ZNF282: variants seen among roughly 807,000 people sequenced by gnomAD.
The protein encoded by ZNF282 is zinc finger protein 282.
In ZNF282, 30 loss-of-function variants were observed where a neutral mutation model predicts 61.9. The observed-to-expected ratio is 0.48, with a 90% CI of 0.36 to 0.66. The LOEUF (loss-of-function observed/expected upper bound fraction) is 0.66. Among genes scored for constraint, ZNF282 ranks in the 30% least tolerant of loss-of-function variants. ZNF282 has a pLI of 0.00. For missense variants in ZNF282, 788 were observed against 941.4 expected (o/e 0.84, Z 2.13); for synonymous variants, 396 against 405.0 (o/e 0.98, Z 0.27).
Position 149,204,210 on chromosome 7 carries a change from G to A in ZNF282, c.586-2486G>A, listed in dbSNP as rs114055005. Among the ~76,000 whole-genome samples, 1,173 of 152,242 alleles carry A rather than the reference G, an allele frequency of 7.7e-3. 15 individuals carry two copies. The highest frequency in any genetic ancestry group is 0.027 in the African/African-American group (1,104 of 41,532). On this transcript the variant is annotated intron_variant, in intron 2 of 7. Coordinates refer to ENST00000610704, the MANE Select transcript of ZNF282 (RefSeq NM_003575.4). Reference sequence around the variant, plus strand: ...ATGGACGGGAGGCAACATAATTACGGGAACCAAGCAGGATAAAATTCTAGA... The same window carrying A: ...ATGGACGGGAGGCAACATAATTACGAGAACCAAGCAGGATAAAATTCTAGA...
intron 7 of ZNF282, among the ~76,000 whole-genome samples, chr7:149,218,530 T>C (rs983289228): frequency 6.6e-6 from 1 of 152,178 alleles, no homozygotes; most frequent in African/African-American, 2.4e-5. Context: ...AAGTAGCAGA[T>C]CAAGTAGGTG....
intron 2 of ZNF282, among the ~76,000 whole-genome samples, chr7:149,203,734 G>A (rs2129523169): frequency 6.6e-6 from 1 of 152,264 alleles, no homozygotes; most frequent in East Asian, 1.9e-4. Context: ...TCTTTTGAAG[G>A]AAGTGAAGTA....
At chr7:149,222,515 G>A (rs1796271930) in intron 7 of ZNF282, among the ~76,000 whole-genome samples, 3 of 152,204 alleles carry the variant, frequency 2.0e-5, no homozygotes, top group Non-Finnish European at 2.9e-5. Context: ...CAGTGTGTGT[G>A]CTGGCTCACA....
chr7:149,201,695 T>A (rs956912257), intron 2 of ZNF282, among the ~76,000 whole-genome samples: 1 of 152,034 alleles, frequency 6.6e-6, no homozygotes, highest in East Asian at 1.9e-4. Context: ...GAGGCTGCAG[T>A]GAGCTGAGAT....
Position 149,212,448 on chromosome 7 carries a change from A to C in ZNF282, c.1043A>C (p.Asp348Ala). 6.2e-7 allele frequency: 1 copy of C among 1,612,812 alleles called. No homozygotes were observed. Residue 348 changes from aspartate to alanine, a missense_variant, in exon 6 of 8, where the codon GAT (aspartate) becomes GCT (alanine). By Grantham distance (126) the Asp-to-Ala change is moderately radical (BLOSUM62 -2). Around this residue, in one of 3 missense-constraint regions of ZNF282, gnomAD observed 559 missense variants for 642.0 expected, o/e 0.87. Transcript: ENST00000610704. ...VWDQQDLADRDIPTDPNSESL... is the reference protein window; with the variant it reads ...VWDQQDLADRAIPTDPNSESL... ...GATCAGCAGGATTTGGCAGACAGAG[A>C]TATTCCCACGGATCCCAATTCAGGT... is the stretch of plus-strand genomic sequence containing the variant.
rs1442572081 is a variant in ZNF282 at position 149,214,502 on chromosome 7, G to A, written c.1180+688G>A. 2.0e-5 allele frequency among the ~76,000 whole-genome samples: 3 copies of A among 152,218 alleles called. No individual in the cohort carries two copies. In the East Asian group the frequency reaches 5.8e-4, roughly 29 times the overall value. ...AGATTGCTGAGCCAGTGTGCCCGAG[G>A]CAGTTGACAGCAGCAGGTGGCTCAC... is the stretch of plus-strand genomic sequence containing the variant. On this transcript the variant is annotated intron_variant, in intron 7 of 7. Coordinates refer to ENST00000610704, the MANE Select transcript of ZNF282 (RefSeq NM_003575.4).
chr7:149,224,678 G>T lies in ZNF282; in HGVS notation c.*31G>T. 6 of 1,467,122 alleles carry T rather than the reference G, an allele frequency of 4.1e-6. No homozygotes were observed. Among genetic ancestry groups the T allele is most frequent in the Non-Finnish European group, 5.4e-6 (6 of 1,113,392 alleles). 90.9% of individuals were successfully genotyped at this position (1,467,122 alleles called of 1,614,324 possible). Reference sequence around the variant, plus strand: ...GGCTGGGGGAGGGCAGGGCCGGACGGAGTGGATCGGGGGCGGCCTGAGCAC... The same window carrying T: ...GGCTGGGGGAGGGCAGGGCCGGACGTAGTGGATCGGGGGCGGCCTGAGCAC... On this transcript the variant is annotated 3_prime_UTR_variant, in exon 8 of 8. Coordinates refer to ENST00000610704, the MANE Select transcript of ZNF282 (RefSeq NM_003575.4).
In ZNF282 at chr7:149,198,313, C is replaced by T. The variant is rs1290748661; in HGVS notation, c.166-20C>T. On this transcript the variant is annotated intron_variant, in intron 1 of 7. Transcript: ENST00000610704. The surrounding 1 kb of genome is among the most constrained non-coding windows in gnomAD (Gnocchi z 4.3). ...CACAAGGTCTCATCCTGGGTTGTCG[C>T]TTTCTCCCTCTGCATACAGGCTCAA... 5 of 1,580,506 alleles carry T rather than the reference C, an allele frequency of 3.2e-6. No homozygotes were observed. The highest frequency in any genetic ancestry group is 4.3e-6 in the Non-Finnish European group (5 of 1,161,044).
intron 7 of ZNF282, among the ~76,000 whole-genome samples, chr7:149,219,390 C>T (rs112833271): frequency 0.025 from 3,731 of 152,272 alleles, 56 homozygotes; most frequent in Middle Eastern, 0.044. Context: ...TAGCTCTGAG[C>T]ATGGCAGAAA....
chr7:149,219,606 G>A (rs1796206493), intron 7 of ZNF282, among the ~76,000 whole-genome samples: 1 of 152,150 alleles, frequency 6.6e-6, no homozygotes, highest in South Asian at 2.1e-4. Context: ...CAGCACTTTG[G>A]GAGGCCGAGG....
At chr7:149,209,644 G>A (rs1398726430) in intron 4 of ZNF282, among the ~76,000 whole-genome samples, 1 of 152,156 alleles carries the variant, frequency 6.6e-6, no homozygotes, top group Non-Finnish European at 1.5e-5. Context: ...AGGGTAGACC[G>A]GAACCCAGAG....
intron 2 of ZNF282, among the ~76,000 whole-genome samples, chr7:149,206,215 G>C (rs75695450): frequency 0.011 from 1,720 of 152,266 alleles, 29 homozygotes; most frequent in African/African-American, 0.039. Flanking sequence ...TGAACGAAGT[G>C]GACCAAGGTC....
rs116644203 is a variant in ZNF282 at position 149,206,713 on chromosome 7, C to T, written c.603C>T (p.Val201=). 129 of 1,614,040 alleles carry T rather than the reference C, an allele frequency of 8.0e-5. No individual in the cohort carries two copies. The highest frequency in any genetic ancestry group is 1.0e-4 in the Non-Finnish European group (119 of 1,180,000). ...TGGCTTAGGTTCCAGTGACTTTTGT[C>T]GACATTGCTGTGTACTTCTCCGAAG... is the stretch of plus-strand genomic sequence containing the variant. ...GEAPKVPVTF[V]DIAVYFSEDE... The change falls in exon 3 of 8, where the codon GTC becomes GTT. Residue 201 remains valine (V), a synonymous_variant. Coordinates refer to ENST00000610704, the MANE Select transcript of ZNF282 (RefSeq NM_003575.4).
intron 4 of ZNF282, among the ~76,000 whole-genome samples, chr7:149,210,008 T>A (rs1274401614): frequency 1.3e-5 from 2 of 152,246 alleles, no homozygotes; most frequent in Non-Finnish European, 2.9e-5. Flanking sequence ...TTGAACTCAC[T>A]GTTTCCAAGA....
chr7:149,216,121 C>T (rs906803267), intron 7 of ZNF282, among the ~76,000 whole-genome samples: 1 of 152,142 alleles, frequency 6.6e-6, no homozygotes, highest in African/African-American at 2.4e-5. Context: ...TGTTTAAAGA[C>T]AGGGTCTCAC....
chr7:149,204,212 A>G (rs1795958295), intron 2 of ZNF282, among the ~76,000 whole-genome samples: 1 of 152,202 alleles, frequency 6.6e-6, no homozygotes, highest in African/African-American at 2.4e-5. Flanking sequence ...TAATTACGGG[A>G]ACCAAGCAGG....
chr7:149,202,291 T>G (rs1795923787), intron 2 of ZNF282, among the ~76,000 whole-genome samples: 2 of 149,562 alleles, frequency 1.3e-5, no homozygotes, highest in Admixed American at 6.7e-5. Flanking sequence ...ATAACAGGCA[T>G]GTGCCACCAT....
At chr7:149,203,969 T>G (rs992978363) in intron 2 of ZNF282, among the ~76,000 whole-genome samples, 3 of 152,154 alleles carry the variant, frequency 2.0e-5, no homozygotes, top group African/African-American at 7.2e-5. Context: ...ATCTCACCAT[T>G]TCTGTGGGTC....
In ZNF282 at chr7:149,222,690, C is replaced by T. The variant is rs553352469; in HGVS notation, c.1181-1122C>T. On this transcript the variant is annotated intron_variant, in intron 7 of 7. Coordinates refer to ENST00000610704, the MANE Select transcript of ZNF282 (RefSeq NM_003575.4). ...TTGAGTCAGAGTCTCGCTCTGTCGC[C>T]AGGCTGGAGTGCAGTGGCAGGATCT... is the stretch of plus-strand genomic sequence containing the variant. Among the ~76,000 whole-genome samples the T allele has an allele frequency of 2.3e-4, 35 of 152,208 alleles. No individual in the cohort carries two copies. The East Asian group carries it at 4.4e-3, about 19-fold the overall frequency.
Sources: gnomAD v4.1 joint callset for allele counts (sites outside exome capture counted in the v4.1 genomes callset) on GRCh38, gnomAD v4.1.1 for gene constraint, gnomAD v4.1.1 regional missense constraint, Gnocchi (gnomAD v3.1) non-coding constraint, MANE v1.5 for transcripts, NCBI Gene and HGNC (gene_info 2026-07-23, HGNC 2026-07-21) for gene names.